The following SPOCK3 variants were observed in gnomAD, a reference collection of about 807,000 sequenced individuals.
The protein encoded by SPOCK3 is SPARC (osteonectin), cwcv and kazal like domains proteoglycan 3.
SPOCK3 carries 30 observed loss-of-function variants against 56.6 expected under a neutral mutation model. The observed-to-expected ratio is 0.53, with a 90% confidence interval of 0.40 to 0.72. SPOCK3 has a LOEUF of 0.72. Ranked by LOEUF, SPOCK3 falls within the 30% of genes least tolerant of loss-of-function variation. The pLI is 0.00. For synonymous variants in SPOCK3, 196 were observed against 183.3 expected (o/e 1.07, Z -0.56); for missense variants, 527 against 530.0 (o/e 0.99, Z 0.06).
chr4:167,135,779 C>T (rs1161492805), intron 2 of SPOCK3, among the ~76,000 whole-genome samples: 1 of 151,054 alleles, frequency 6.6e-6, no homozygotes, highest in African/African-American at 2.4e-5. Flanking sequence ...TGATTGACTG[C>T]TGAATAAAGC....
At chr4:166,910,184 T>C (rs1190297023) in intron 5 of SPOCK3, among the ~76,000 whole-genome samples, 1 of 152,110 alleles carries the variant, frequency 6.6e-6, no homozygotes. Flanking sequence ...GGATGGATGG[T>C]TCAAAGTGGA....
At chr4:167,031,928 C>T (rs1462124037) in intron 3 of SPOCK3, among the ~76,000 whole-genome samples, 1 of 151,944 alleles carries the variant, frequency 6.6e-6, no homozygotes, top group Non-Finnish European at 1.5e-5. Context: ...TTATTAATTC[C>T]TTTATTTGAA....
At chr4:166,990,260 A>C (rs1579920383) in intron 4 of SPOCK3, among the ~76,000 whole-genome samples, 1 of 152,186 alleles carries the variant, frequency 6.6e-6, no homozygotes, top group African/African-American at 2.4e-5. Flanking sequence ...TGAGGACAGA[A>C]ATAAATAAGA....
At chr4:167,030,998 T>C (rs2150181090) in intron 3 of SPOCK3, among the ~76,000 whole-genome samples, 1 of 152,200 alleles carries the variant, frequency 6.6e-6, no homozygotes, top group Admixed American at 6.6e-5. Flanking sequence ...TCTCTCATCA[T>C]ATTTCATATA....
At chr4:167,076,687 A>T (rs1235420392) in intron 2 of SPOCK3, among the ~76,000 whole-genome samples, 3 of 151,792 alleles carry the variant, frequency 2.0e-5, no homozygotes, top group Admixed American at 2.0e-4. Context: ...AAACAATTTT[A>T]AAAAACTGTA....
intron 6 of SPOCK3, among the ~76,000 whole-genome samples, chr4:166,807,622 C>T (rs1384046207): frequency 1.3e-5 from 2 of 152,094 alleles, no homozygotes; most frequent in African/African-American, 4.8e-5. Flanking sequence ...CTCAACAATA[C>T]CTTTTTGATT....
At chr4:166,770,159 C>A (rs1374641612) in intron 7 of SPOCK3, among the ~76,000 whole-genome samples, 2 of 152,158 alleles carry the variant, frequency 1.3e-5, no homozygotes, top group Non-Finnish European at 2.9e-5. Flanking sequence ...CCTCACCCTG[C>A]TTCAGCTCAC....
At chr4:166,832,063 TGCTGTGCAGAA>T (rs1440333458) in intron 6 of SPOCK3, among the ~76,000 whole-genome samples, 1 of 152,154 alleles carries the variant, frequency 6.6e-6, no homozygotes, top group African/African-American at 2.4e-5. Flanking sequence ...TAGTGTCTTT[TGCTGTGCAGAA>T]GCTCTTTAGT....
At chr4:166,952,741 G>A (rs1742834737) in intron 4 of SPOCK3, among the ~76,000 whole-genome samples, 1 of 152,140 alleles carries the variant, frequency 6.6e-6, no homozygotes, top group South Asian at 2.1e-4. Context: ...CAGAGATATA[G>A]ATTAATGGAA....
chr4:166,867,369 C>T (rs979302589), intron 6 of SPOCK3, among the ~76,000 whole-genome samples: 1 of 151,820 alleles, frequency 6.6e-6, no homozygotes, highest in Non-Finnish European at 1.5e-5. Context: ...GTGTTCCATA[C>T]TCGTGAGAAA....
In SPOCK3 at chr4:167,205,352, ATAT is replaced by A. The variant is rs1734049785; in HGVS notation, c.189+28630_189+28632del. Among the ~76,000 whole-genome samples the A allele has an allele frequency of 5.4e-5, 2 of 37,258 alleles. 1 individual carries two copies. Among genetic ancestry groups the A allele is most frequent in the Non-Finnish European group, 8.5e-5 (2 of 23,474 alleles). 24.4% of individuals were successfully genotyped at this position (37,258 alleles called of 152,430 possible). On this transcript the variant is annotated intron_variant, in intron 2 of 10. Coordinates refer to ENST00000357545, the MANE Select transcript of SPOCK3 (RefSeq NM_001040159.2). Reference sequence around the variant, plus strand: ...ATATATATTATATATTATATATATAATATATATATTATATATTTTATATATATA... The same window carrying A: ...ATATATATTATATATTATATATATAAATATATTATATATTTTATATATATA...
chr4:167,151,435 CTTT>C (rs5863862), intron 2 of SPOCK3, among the ~76,000 whole-genome samples: 18 of 95,636 alleles, frequency 1.9e-4, no homozygotes, highest in Non-Finnish European at 2.4e-4. Flanking sequence ...CCTTTTTTTT[CTTT>C]TTTTTTTTTT....
At chr4:166,751,028 TACA>T (rs3838391) in intron 8 of SPOCK3, among the ~76,000 whole-genome samples, 49,585 of 151,806 alleles carry the variant, frequency 0.33, 8,280 homozygotes, top group Admixed American at 0.41. Flanking sequence ...CCTGAAGTTT[TACA>T]ACAAGGCAGC....
At chr4:167,010,291 T>C (rs1388937001) in intron 3 of SPOCK3, among the ~76,000 whole-genome samples, 1 of 151,922 alleles carries the variant, frequency 6.6e-6, no homozygotes, top group Non-Finnish European at 1.5e-5. Flanking sequence ...GAGGCTGAGG[T>C]GGGCAGATCA....
intron 3 of SPOCK3, among the ~76,000 whole-genome samples, chr4:167,048,496 T>C (rs562290844): frequency 2.0e-4 from 31 of 152,248 alleles, no homozygotes; most frequent in African/African-American, 6.7e-4. Context: ...CTGACAACTG[T>C]ATAAAACTGA....
intron 4 of SPOCK3, among the ~76,000 whole-genome samples, chr4:166,919,413 G>A (rs1301341960): frequency 6.6e-6 from 1 of 151,942 alleles, no homozygotes; most frequent in Admixed American, 6.6e-5. Flanking sequence ...TTAAGTGGTG[G>A]GCATATTCAT....
chr4:166,961,054 G>C (rs1014328818), intron 4 of SPOCK3, among the ~76,000 whole-genome samples: 5 of 152,078 alleles, frequency 3.3e-5, no homozygotes, highest in Non-Finnish European at 7.4e-5. Flanking sequence ...TATTCATAAT[G>C]TTAACAAAAT....
intron 2 of SPOCK3, among the ~76,000 whole-genome samples, chr4:167,183,618 T>C (rs772158365): frequency 2.0e-4 from 31 of 152,366 alleles, no homozygotes; most frequent in Admixed American, 6.5e-4. Context: ...TATTCATTGA[T>C]GTTAGCATTT....
intron 6 of SPOCK3, among the ~76,000 whole-genome samples, chr4:166,871,727 C>A (rs1040521060): frequency 6.6e-6 from 1 of 150,874 alleles, no homozygotes; most frequent in African/African-American, 2.4e-5. Flanking sequence ...AATACTAATG[C>A]CAGATAAAGA....
Sources: allele counts gnomAD v4.1 joint callset (sites outside exome capture counted in the v4.1 genomes callset), GRCh38; gene constraint gnomAD v4.1.1; transcripts MANE v1.5; gene names NCBI Gene and HGNC (gene_info 2026-07-23, HGNC 2026-07-21).